SLC14A2: variants seen among roughly 807,000 people sequenced by gnomAD.
SLC14A2 encodes solute carrier family 14 member 2.
SLC14A2 carries 91 observed loss-of-function variants against 104.6 expected under a neutral mutation model. That is an observed-to-expected ratio of 0.87 (90% CI 0.73 to 1.04). SLC14A2 has a LOEUF of 1.04. SLC14A2 is among the 50% of genes least tolerant of loss of function. SLC14A2 has a pLI of 0.00. For missense variants in SLC14A2, 1,189 were observed against 1,156.0 expected, an observed-to-expected ratio of 1.03 and a Z score of -0.41; for synonymous variants, 476 against 466.4, an observed-to-expected ratio of 1.02 and a Z score of -0.27.
At chr18:45,476,552 C>T (rs919550098) in intron 1 of SLC14A2, among the ~76,000 whole-genome samples, 4 of 152,156 alleles carry the variant, frequency 2.6e-5, no homozygotes, top group African/African-American at 9.7e-5. Flanking sequence ...GGAAGTTGTC[C>T]TGAACAATAT....
intron 10 of SLC14A2, among the ~76,000 whole-genome samples, chr18:45,654,783 A>C (rs576314992): frequency 6.6e-6 from 1 of 152,166 alleles, no homozygotes; most frequent in Admixed American, 6.5e-5. Context: ...CTGATGAAAC[A>C]GGCTCATCCA....
In SLC14A2 at chr18:45,484,939, C is replaced by T. The variant is rs913424467; in HGVS notation, c.-35+1617C>T. Among the ~76,000 whole-genome samples the T allele has an allele frequency of 6.6e-5, 10 of 152,236 alleles. No individual in the cohort carries two copies. In the Middle Eastern group the frequency reaches 0.01, roughly 155 times the overall value. ...CAAGTAGCCACATATATAAATAATT[C>T]CAGAAGTACCTTACCAACACTACCA... On this transcript the variant is annotated intron_variant, in intron 2 of 20. Transcript: ENST00000586448.
chr18:45,205,701 A>G, the SLC14A2 span, among the ~76,000 whole-genome samples: 1 of 152,232 alleles, frequency 6.6e-6, no homozygotes, highest in Non-Finnish European at 1.5e-5. Context: ...TGTTTTTCAC[A>G]TATTATAAAC....
In SLC14A2 at chr18:45,545,041, G is replaced by A. The variant is rs200147868; in HGVS notation, c.-35+61719G>A. Among the ~76,000 whole-genome samples the A allele has an allele frequency of 8.6e-5, 13 of 151,952 alleles. No individual in the cohort carries two copies. In the East Asian group the frequency reaches 9.6e-4, roughly 11 times the overall value. ...ACTCCCGACCTCAGGTGATCTGCCCGCCTCGGCCTCCCAAAGTGCTGGGAT... is the reference window on the plus strand; with the variant it reads ...ACTCCCGACCTCAGGTGATCTGCCCACCTCGGCCTCCCAAAGTGCTGGGAT... On this transcript the variant is annotated intron_variant, in intron 2 of 20. Coordinates refer to the SLC14A2 transcript ENST00000586448.
intron 1 of SLC14A2, chr18:45,424,180 G>T (rs2086389674): frequency 6.6e-6 from 1 of 152,242 alleles, no homozygotes. Flanking sequence ...GGGTTGGGAA[G>T]TACACTGTTT....
intron 2 of SLC14A2, among the ~76,000 whole-genome samples, chr18:45,595,114 C>A (rs1168858057): frequency 6.6e-6 from 1 of 152,188 alleles, no homozygotes. Context: ...GCATTTTCAC[C>A]TCCTTGCACA....
chr18:45,663,493 C>T (rs2045963872), intron 10 of SLC14A2, among the ~76,000 whole-genome samples: 1 of 152,194 alleles, frequency 6.6e-6, no homozygotes. Flanking sequence ...CAAGTTGCAG[C>T]TAAATGGGTC....
chr18:45,492,572 G>C (rs75408093), intron 2 of SLC14A2, among the ~76,000 whole-genome samples: 246 of 152,282 alleles, frequency 1.6e-3, no homozygotes, highest in African/African-American at 5.1e-3. Flanking sequence ...TCCACATGTA[G>C]TGATTACAGT....
rs1301484140 is a variant in SLC14A2 at position 45,293,259 on chromosome 18, T to C, written c.-125+80068T>C. On this transcript the variant is annotated intron_variant, in intron 1 of 20. Transcript: ENST00000586448. Reference sequence around the variant, plus strand: ...AGCCACATTTCAGTTTTAAGTCTGGTGTTATTTCATTCATTCATTCATTCA... The same window carrying C: ...AGCCACATTTCAGTTTTAAGTCTGGCGTTATTTCATTCATTCATTCATTCA... Among the ~76,000 whole-genome samples, 10 of 152,328 alleles carry C rather than the reference T, an allele frequency of 6.6e-5. No homozygotes were observed. The East Asian group carries it at 1.7e-3, about 26-fold the overall frequency.
At chr18:45,607,335 G>T (rs928245506) in intron 2 of SLC14A2, among the ~76,000 whole-genome samples, 2 of 152,020 alleles carry the variant, frequency 1.3e-5, no homozygotes, top group Non-Finnish European at 2.9e-5. Flanking sequence ...TTTCTTACAT[G>T]GTCTGTCATC....
intron 1 of SLC14A2, among the ~76,000 whole-genome samples, chr18:45,453,952 C>T (rs550738213): frequency 2.0e-5 from 3 of 150,108 alleles, no homozygotes; most frequent in East Asian, 2.0e-4. Context: ...CTCTGCCTCC[C>T]GGGTTCAAGC....
chr18:45,254,836 C>T (rs982413690), intron 1 of SLC14A2, among the ~76,000 whole-genome samples: 2 of 152,096 alleles, frequency 1.3e-5, no homozygotes, highest in East Asian at 1.9e-4. Context: ...CCAAGGAGGC[C>T]AATGATGCTG....
chr18:45,174,515 G>C, the SLC14A2 span, among the ~76,000 whole-genome samples: 2 of 152,122 alleles, frequency 1.3e-5, no homozygotes, highest in Non-Finnish European at 2.9e-5. Flanking sequence ...CTAAAGTGGA[G>C]AGAGTCTGCC....
intron 1 of SLC14A2, among the ~76,000 whole-genome samples, chr18:45,240,644 T>G (rs995519084): frequency 2.7e-5 from 4 of 150,732 alleles, no homozygotes; most frequent in African/African-American, 9.9e-5. Context: ...TTTTTTTGTT[T>G]TTTTTGTTTT....
chr18:45,622,081 C>T lies in SLC14A2; in HGVS notation c.-34-2550C>T, dbSNP rs75630175. Among the ~76,000 whole-genome samples, 101 of 152,284 alleles carry T rather than the reference C, an allele frequency of 6.6e-4. 1 individual carries two copies. The East Asian group carries it at 0.017, about 26-fold the overall frequency. Reference sequence around the variant, plus strand: ...CCCTGTCAAAGAGGTAGTTTTCCATCTGAAAGCATTGATGGGCTTTAAGCA... The same window carrying T: ...CCCTGTCAAAGAGGTAGTTTTCCATTTGAAAGCATTGATGGGCTTTAAGCA... On this transcript the variant is annotated intron_variant, in intron 1 of 19. Coordinates refer to ENST00000255226, the MANE Select transcript of SLC14A2 (RefSeq NM_007163.4).
intron 1 of SLC14A2, among the ~76,000 whole-genome samples, chr18:45,444,122 C>T (rs572321623): frequency 1.3e-5 from 2 of 152,306 alleles, no homozygotes; most frequent in East Asian, 3.9e-4. Flanking sequence ...GAACCATCAG[C>T]AATGTATCTG....
At chr18:45,223,303 CA>C (rs1424375548) in intron 1 of SLC14A2, among the ~76,000 whole-genome samples, 1 of 152,108 alleles carries the variant, frequency 6.6e-6, no homozygotes, top group African/African-American at 2.4e-5. Context: ...GGAAGGCAAA[CA>C]GCCCACCGTG....
chr18:45,508,945 A>T (rs1384300552), intron 2 of SLC14A2, among the ~76,000 whole-genome samples: 1 of 152,208 alleles, frequency 6.6e-6, no homozygotes, highest in Non-Finnish European at 1.5e-5. Flanking sequence ...AGTTGATTTC[A>T]TGGATAACAA....
intron 1 of SLC14A2, among the ~76,000 whole-genome samples, chr18:45,388,745 A>G (rs1467171272): frequency 1.3e-5 from 2 of 152,168 alleles, no homozygotes; most frequent in African/African-American, 4.8e-5. Context: ...CATGAAGAAG[A>G]GGTACAAACT....
Sources: gnomAD v4.1 joint callset for allele counts (sites outside exome capture counted in the v4.1 genomes callset) on GRCh38, gnomAD v4.1.1 for gene constraint, MANE v1.5 for transcripts, NCBI Gene and HGNC (gene_info 2026-07-23, HGNC 2026-07-21) for gene names.